ANGPT2: variants seen among roughly 807,000 people sequenced by gnomAD.
ANGPT2 encodes the protein angiopoietin 2, also known as angiopoietin-2.
A neutral mutation model predicts 62.9 loss-of-function variants in ANGPT2; 28 were observed. The ratio of observed to expected loss-of-function variants is 0.44; its 90% CI spans 0.33 to 0.61. The LOEUF (loss-of-function observed/expected upper bound fraction) is 0.61, where lower values mean the gene tolerates loss of function less well. Among genes scored for constraint, ANGPT2 ranks in the 20% least tolerant of loss-of-function variants. The pLI is 0.03. For synonymous variants in ANGPT2, 284 were observed against 207.8 expected (o/e 1.37, Z -3.15); for missense variants, 727 against 594.9 (o/e 1.22, Z -2.31).
intron 8 of ANGPT2, among the ~76,000 whole-genome samples, chr8:6,506,410 T>C (rs1813739588): frequency 1.3e-5 from 2 of 152,170 alleles, no homozygotes; most frequent in African/African-American, 4.8e-5. Flanking sequence ...ACATTCTCAG[T>C]CCCTAAATCT....
At chr8:6,561,411 A>G (rs766182514) in intron 1 of ANGPT2, among the ~76,000 whole-genome samples, 1 of 152,242 alleles carries the variant, frequency 6.6e-6, no homozygotes, top group African/African-American at 2.4e-5. Flanking sequence ...TCAAATAATA[A>G]CTTAGTCGTT....
At chr8:6,517,498 G>A (rs1348816617) in intron 5 of ANGPT2, among the ~76,000 whole-genome samples, 2 of 152,242 alleles carry the variant, frequency 1.3e-5, no homozygotes, top group East Asian at 1.9e-4. Flanking sequence ...TAAAGCTGCA[G>A]TATTTTGGCC....
chr8:6,532,358 G>A lies in ANGPT2; in HGVS notation c.418C>T (p.Arg140Trp), dbSNP rs1362916978. ...TGGGCTTCCACATCAGTTAACTTCC[G>A]CGTTTGCTCCGCTGTTTGGTTCAAC... ...NLLNQTAEQTRKLTDVEAQVL... is the reference protein window; with the variant it reads ...NLLNQTAEQTWKLTDVEAQVL... Residue 140 changes from arginine (R) to tryptophan (W), a missense_variant, in exon 2 of 9, where the codon CGG becomes TGG. Coordinates refer to ENST00000629816, the MANE Select transcript of ANGPT2 (RefSeq NM_001118887.2). The A allele has an allele frequency of 5.6e-6, 9 of 1,613,854 alleles. No homozygotes were observed. The highest frequency in any genetic ancestry group is 4.0e-5 in the African/African-American group (3 of 74,840).
chr8:6,514,614 A>C (rs1815872338), intron 6 of ANGPT2, 63 bp downstream of exon 6: 2 of 1,436,110 alleles, frequency 1.4e-6, no homozygotes. Context: ...AAGGTTCCGC[A>C]GATCTTGAAA....
Position 6,500,032 on chromosome 8 carries a change from T to C in ANGPT2, c.*3069A>G, listed in dbSNP as rs1811844783. 1 of 924,168 alleles carries C rather than the reference T, an allele frequency of 1.1e-6. No homozygotes were observed. Among genetic ancestry groups the C allele is most frequent in the Non-Finnish European group, 1.8e-6 (1 of 561,212 alleles). The allele number at this position is 924,168 out of a possible 1,614,324, so 57.2% of individuals were successfully genotyped here. A position where few individuals can be genotyped will look rare whatever the true frequency, so the allele number is the denominator to read the frequency against. ...TAAGTTTTTATCCAGTCAAGCACAA[T>C]TATGCCCATAATTAAAAAGACATTC... On this transcript the variant is annotated 3_prime_UTR_variant, in exon 9 of 9. Coordinates refer to ENST00000629816, the MANE Select transcript of ANGPT2 (RefSeq NM_001118887.2).
At chr8:6,551,354 C>G (rs1038112415) in intron 1 of ANGPT2, among the ~76,000 whole-genome samples, 2 of 152,034 alleles carry the variant, frequency 1.3e-5, no homozygotes, top group Non-Finnish European at 2.9e-5. Flanking sequence ...GCTGCAACGC[C>G]TTCATGGCAC....
At chr8:6,507,703 A>T (rs528972165) in intron 8 of ANGPT2, 1 of 148,768 alleles carries the variant, frequency 6.7e-6, no homozygotes, top group African/African-American at 2.5e-5. Flanking sequence ...GAGCCTCCTG[A>T]GTAGGAGTAG....
intron 1 of ANGPT2, among the ~76,000 whole-genome samples, chr8:6,557,258 C>G (rs1366799205): frequency 6.6e-6 from 1 of 152,248 alleles, no homozygotes; most frequent in East Asian, 1.9e-4. Flanking sequence ...GCAGAGGGTA[C>G]TGGTGTTAGC....
chr8:6,509,049 C>T lies in ANGPT2; in HGVS notation c.1210G>A (p.Gly404Arg). ...ATTTTGCCGGCTGTCCCTGTAAGTC[C>T]TTTAAGGTGAATCCTGTAAGCGTGC... ...EELNYRIHLK[G>R]LTGTAGKISS... The change falls in exon 8 of 9, where the codon GGA becomes AGA. Residue 404 changes from glycine to arginine, a missense_variant. Transcript: ENST00000629816. 1 of 1,614,010 alleles carries T rather than the reference C, an allele frequency of 6.2e-7. No individual in the cohort carries two copies. Among genetic ancestry groups the T allele is most frequent in the Non-Finnish European group, 8.5e-7 (1 of 1,180,004 alleles).
At chr8:6,529,865 C>T (rs1334985303) in intron 2 of ANGPT2, among the ~76,000 whole-genome samples, 1 of 142,472 alleles carries the variant, frequency 7.0e-6, no homozygotes, top group Non-Finnish European at 1.6e-5. Context: ...AACATGATAT[C>T]TAGTTTCACA....
chr8:6,513,479 C>A (rs577548347), intron 7 of ANGPT2, among the ~76,000 whole-genome samples, 199 bp downstream of exon 7: 66 of 151,894 alleles, frequency 4.3e-4, no homozygotes, highest in Non-Finnish European at 8.4e-4. Flanking sequence ...ACTACAGGCG[C>A]CCACCACCAC....
At chr8:6,549,707 C>T (rs1823275891) in intron 1 of ANGPT2, among the ~76,000 whole-genome samples, 1 of 151,512 alleles carries the variant, frequency 6.6e-6, no homozygotes, top group Non-Finnish European at 1.5e-5. Context: ...GCGGTCATTA[C>T]ACAGGTGCGC....
At chr8:6,511,728 G>A (rs1450002307) in intron 7 of ANGPT2, among the ~76,000 whole-genome samples, 2 of 152,124 alleles carry the variant, frequency 1.3e-5, no homozygotes, top group African/African-American at 4.8e-5. Context: ...TTAAACCAAT[G>A]TGTGTGTTTT....
intron 3 of ANGPT2, among the ~76,000 whole-genome samples, chr8:6,521,694 G>T (rs541695635): frequency 6.6e-6 from 1 of 152,298 alleles, no homozygotes; most frequent in African/African-American, 2.4e-5. Flanking sequence ...TGGGATATGG[G>T]TGTTTTTTGT....
In ANGPT2 at chr8:6,502,944, G is replaced by A; in HGVS notation, c.*157C>T. 1.3e-6 allele frequency: 1 copy of A among 795,566 alleles called. No individual in the cohort carries two copies. Among genetic ancestry groups the A allele is most frequent in the Non-Finnish European group, 2.0e-6 (1 of 506,846 alleles). The allele number at this position is 795,566 out of a possible 1,614,324, so 49.3% of individuals were successfully genotyped here. ...AAGTGATGCAAGTTTAAGTGATAAA[G>A]TTTACAGGCTCTAATCTGGAGCATG... is the stretch of plus-strand genomic sequence containing the variant. On this transcript the variant is annotated 3_prime_UTR_variant, in exon 9 of 9. Coordinates refer to ENST00000629816, the MANE Select transcript of ANGPT2 (RefSeq NM_001118887.2).
intron 7 of ANGPT2, among the ~76,000 whole-genome samples, chr8:6,512,790 A>T (rs1324365424): frequency 6.6e-6 from 1 of 152,190 alleles, no homozygotes; most frequent in Non-Finnish European, 1.5e-5. Context: ...ATTACTTATG[A>T]TTATTGCTAC....
rs568359087 is a variant in ANGPT2, at chr8:6,521,181, T to C, written c.796A>G (p.Asn266Asp). 1.2e-6 allele frequency: 2 copies of C among 1,610,856 alleles called. No homozygotes were observed. Among genetic ancestry groups the C allele is most frequent in the Admixed American group, 3.3e-5 (2 of 60,012 alleles). Reference sequence around the variant, plus strand: ...AAAGCATGATATGTAAACTTACAGTTTGATGTGGACATCATAGTCAGTAAG... The same window carrying C: ...AAAGCATGATATGTAAACTTACAGTCTGATGTGGACATCATAGTCAGTAAG... ...NNLLTMMSTS[N>D]SKDPTVAKEE... The change falls in exon 4 of 9, where the codon AAC becomes GAC. Residue 266 changes from asparagine (N) to aspartate (D), a missense_variant. By Grantham distance (23) the Asn-to-Asp change is conservative. Transcript: ENST00000629816.
intron 6 of ANGPT2, among the ~76,000 whole-genome samples, 194 bp downstream of exon 6, chr8:6,514,483 C>T (rs1468527120): frequency 6.6e-6 from 1 of 152,240 alleles, no homozygotes; most frequent in African/African-American, 2.4e-5. Context: ...GCCAGCACGT[C>T]TGGCTGCAGC....
intron 8 of ANGPT2, among the ~76,000 whole-genome samples, chr8:6,505,500 T>TAC (rs1451214170): frequency 0.017 from 81 of 4,858 alleles, 3 homozygotes; most frequent in African/African-American, 0.043. Context: ...ATTCTTTATA[T>TAC]ATGTATATAT....
Sources: allele counts gnomAD v4.1 joint callset (sites outside exome capture counted in the v4.1 genomes callset), GRCh38; gene constraint gnomAD v4.1.1; transcripts MANE v1.5; gene names NCBI Gene and HGNC (gene_info 2026-07-23, HGNC 2026-07-21).